PLXNB2: variants seen among roughly 807,000 people sequenced by gnomAD.
PLXNB2 encodes plexin-B2.
Under a neutral mutation model 202.6 loss-of-function variants are expected in PLXNB2, and 85 were observed. That is an observed-to-expected ratio of 0.42 (90% CI 0.35 to 0.50). The LOEUF is 0.50. Ranked by LOEUF, PLXNB2 falls within the 20% of genes least tolerant of loss-of-function variation. The pLI, the probability that PLXNB2 is intolerant of heterozygous loss-of-function variation, is 0.02. For missense variants in PLXNB2, 2,063 were observed against 2,586.2 expected (o/e 0.80, Z 4.39); for synonymous variants, 1,239 against 1,137.6 (o/e 1.09, Z -1.79).
At chr22:50,287,433 G>A (rs923680729) in intron 7 of PLXNB2, among the ~76,000 whole-genome samples, 169 bp from the exon 8 acceptor site, 2 of 152,118 alleles carry the variant, frequency 1.3e-5, no homozygotes, top group Non-Finnish European at 2.9e-5. Flanking sequence ...GCAACTCCTG[G>A]GACAGGGCCT....
In PLXNB2 at chr22:50,289,260, G is replaced by A. The variant is rs1341819085; in HGVS notation, c.1069-118C>T. On this transcript the variant is annotated intron_variant, in intron 3 of 36. Coordinates refer to ENST00000359337, the MANE Select transcript of PLXNB2 (RefSeq NM_012401.4). The surrounding 1 kb of genome is among the most constrained non-coding windows in gnomAD (Gnocchi z 8.0). ...TCCCTCCGGCACACGTCCTACACAC[G>A]TCCCCGAGAACAGAACCCACATGGC... The A allele has an allele frequency of 1.5e-5, 15 of 1,023,830 alleles. No individual in the cohort carries two copies. Among genetic ancestry groups the A allele is most frequent in the Non-Finnish European group, 2.1e-5 (15 of 723,006 alleles). The allele number at this position is 1,023,830 out of a possible 1,614,324, so 63.4% of individuals were successfully genotyped here. A position where few individuals can be genotyped will look rare whatever the true frequency, so the allele number is the denominator to read the frequency against.
chr22:50,278,473 T>C lies in PLXNB2; in HGVS notation c.4694A>G (p.Gln1565Arg). 6.4e-7 allele frequency: 1 copy of C among 1,560,752 alleles called. No individual in the cohort carries two copies. The highest frequency in any genetic ancestry group is 8.7e-7 in the Non-Finnish European group (1 of 1,152,748). ...TLILSKVGVS[Q>R]QPEDSQQDLP... is the part of the protein sequence containing the mutation. The stretch of plus-strand genomic sequence containing the variant: ...GTCCTGCTGGCTGTCCTCCGGCTGC[T>C]GGGAGACCCCCACCTTGGACAGGAT... The change falls in exon 30 of 37, where the codon CAG (glutamine) becomes CGG (arginine). Residue 1565 changes from glutamine to arginine, a missense_variant. By Grantham distance (43) the Gln-to-Arg change is conservative. Around this residue, in one of 2 missense-constraint regions of PLXNB2, gnomAD observed 760 missense variants for 1,109.4 expected, o/e 0.69. Transcript: ENST00000359337.
chr22:50,276,584 T>G (rs2065613334), intron 35 of PLXNB2, 45 bp downstream of exon 35: 1 of 1,468,430 alleles, frequency 6.8e-7, no homozygotes, highest in East Asian at 2.3e-5. Context: ...CATGGGGTAG[T>G]GGGAGCGGGG....
Position 50,290,214 on chromosome 22 carries a change from G to A in PLXNB2, c.371C>T (p.Ala124Val). Residue 124 changes from alanine (A) to valine (V), a missense_variant, in exon 3 of 37, where the codon GCC becomes GTC. Physicochemically the swap from Ala to Val is moderately conservative, Grantham distance 64 (BLOSUM62 0). Coordinates refer to ENST00000359337, the MANE Select transcript of PLXNB2 (RefSeq NM_012401.4). ...SLFKGICALR[A>V]LSNISLRLFY... ...CAGGCGGAGGGAGATGTTGCTCAGG[G>A]CGCGCAGAGCGCAGATGCCCTTGAA... The A allele has an allele frequency of 6.2e-7, 1 of 1,612,204 alleles. No homozygotes were observed. The highest frequency in any genetic ancestry group is 1.1e-5 in the South Asian group (1 of 91,090).
chr22:50,285,786 C>T lies in PLXNB2; in HGVS notation c.2088+14G>A, dbSNP rs759948658. 3.8e-6 allele frequency: 6 copies of T among 1,598,956 alleles called. 1 individual carries two copies. In the South Asian group the frequency reaches 6.6e-5, roughly 18 times the overall value. On this transcript the variant is annotated intron_variant, in intron 11 of 36. Coordinates refer to ENST00000359337, the MANE Select transcript of PLXNB2 (RefSeq NM_012401.4). ...GAGCCTGCCTGTCACCAGCCGGCAC[C>T]CCTCCCTCCGCACCTTCACGGTGTC... is the stretch of plus-strand genomic sequence containing the variant.
chr22:50,276,194 G>A (rs576012288), intron 35 of PLXNB2, among the ~76,000 whole-genome samples: 5 of 152,238 alleles, frequency 3.3e-5, no homozygotes, highest in Admixed American at 2.0e-4. Context: ...CACGGCTGTG[G>A]ATGGACCCAC....
rs1304405921 is a variant in PLXNB2 at position 50,282,076 on chromosome 22, C to T, written c.3123G>A (p.Val1041=). The change falls in exon 20 of 37, where the codon GTG becomes GTA. Residue 1041 remains valine, a synonymous_variant. Coordinates refer to ENST00000359337, the MANE Select transcript of PLXNB2 (RefSeq NM_012401.4). ...CATTGTGGAACACGTAGTCTGTACC[C>T]ACCACCTGCAGGCAAGTCCCAGCTG... ...EAESLQPMTV[V]GTDYVFHNDT... 4.3e-6 allele frequency: 7 copies of T among 1,610,458 alleles called. No individual in the cohort carries two copies. Among genetic ancestry groups the T allele is most frequent in the Middle Eastern group, 1.7e-4 (1 of 6,058 alleles).
chr22:50,279,801 G>A (rs2065861252), intron 26 of PLXNB2, 25 bp from the exon 27 acceptor site: 2 of 1,612,876 alleles, frequency 1.2e-6, no homozygotes, highest in South Asian at 1.1e-5. Context: ...AGGGGAGGCT[G>A]GGAGGTCAGG....
rs199926321 is a variant in PLXNB2, at chr22:50,283,620, C to G, written c.2552G>C (p.Arg851Pro). ...CACTCACCGGGTGGACACGGAGTAA[C>G]GTTCCGGCTGAAAGGAGCAGTTCCG... ...AGRNCSFQPE[R>P]YSVSTRIVCV... The change falls in exon 15 of 37, where the codon CGT becomes CCT. Residue 851 changes from arginine (R) to proline (P), a missense_variant. Arg to Pro is a moderately radical substitution (Grantham distance 103). Around this residue, in one of 2 missense-constraint regions of PLXNB2, gnomAD observed 1,303 missense variants for 1,476.8 expected, o/e 0.88. Coordinates refer to ENST00000359337, the MANE Select transcript of PLXNB2 (RefSeq NM_012401.4). The G allele has an allele frequency of 6.2e-7, 1 of 1,612,480 alleles. No homozygotes were observed. Among genetic ancestry groups the G allele is most frequent in the Admixed American group, 1.7e-5 (1 of 59,958 alleles).
Position 50,278,836 on chromosome 22 carries a change from G to A in PLXNB2, c.4546+19C>T, listed in dbSNP as rs764627092. The A allele has an allele frequency of 3.1e-6, 5 of 1,605,032 alleles. No homozygotes were observed. In the Admixed American group the frequency reaches 5.0e-5, roughly 16 times the overall value. Reference sequence around the variant, plus strand: ...GCACATGGGCGCCTGTGTGCAGACGGGCAGGGGCCGGCACTCACCCAGGAC... The same window carrying A: ...GCACATGGGCGCCTGTGTGCAGACGAGCAGGGGCCGGCACTCACCCAGGAC... On this transcript the variant is annotated intron_variant, in intron 28 of 36. Transcript: ENST00000359337.
chr22:50,287,166 G>A lies in PLXNB2; in HGVS notation c.1707C>T (p.Gly569=), dbSNP rs950541792. 4.8e-5 allele frequency: 75 copies of A among 1,546,536 alleles called. No homozygotes were observed. Among genetic ancestry groups the A allele is most frequent in the Admixed American group, 2.8e-4 (14 of 50,572 alleles). ...TTGGGGAGTTGCAGATGACGGCCTC[G>A]CCCTCCACGCGGGCGGGGTGTGGCG... ...ESPPHPARVE[G]EAVICNSPSS... Residue 569 remains glycine (G), a synonymous_variant, in exon 8 of 37, where the codon GGC becomes GGT. Coordinates refer to ENST00000359337, the MANE Select transcript of PLXNB2 (RefSeq NM_012401.4).
In PLXNB2 at chr22:50,297,980, T is replaced by C. The variant is rs28473629; in HGVS notation, c.-73-3202A>G. On this transcript the variant is annotated intron_variant, in intron 1 of 36. Transcript: ENST00000359337. This position sits in a 1 kb window ranked among gnomAD's most constrained non-coding sequence, Gnocchi z 5.3. ...TCCCTGGAAAGCCCCTGCCCATCCT[T>C]TAGACCCCGAGACACCCTCCCTAAC... is the stretch of plus-strand genomic sequence containing the variant. Among the ~76,000 whole-genome samples the C allele has an allele frequency of 0.077, 11,744 of 152,152 alleles. 1,132 individuals carry two copies. The highest frequency in any genetic ancestry group is 0.23 in the African/African-American group (9,431 of 41,472).
Position 50,277,949 on chromosome 22 carries a change from G to C in PLXNB2, c.4952C>G (p.Pro1651Arg), listed in dbSNP as rs1454891870. 6.2e-7 allele frequency: 1 copy of C among 1,612,878 alleles called. No homozygotes were observed. Among genetic ancestry groups the C allele is most frequent in the Non-Finnish European group, 8.5e-7 (1 of 1,179,768 alleles). Reference protein sequence around the residue: ...QSVLAPGHAVPPAVKYFFDFL... With the variant: ...QSVLAPGHAVRPAVKYFFDFL... ...GTCGAAGAAGTACTTGACTGCAGGT[G>C]GCACCGCGTGCCCAGGCGCCAGCAC... Residue 1651 changes from proline (P) to arginine (R), a missense_variant, in exon 32 of 37, where the codon CCA (proline) becomes CGA (arginine). Physicochemically the swap from Pro to Arg is moderately radical, Grantham distance 103 (BLOSUM62 -2). Transcript: ENST00000359337.
In PLXNB2 at chr22:50,284,823, G is replaced by A. The variant is rs577897637; in HGVS notation, c.2089-158C>T. On this transcript the variant is annotated intron_variant, in intron 11 of 36. Coordinates refer to ENST00000359337, the MANE Select transcript of PLXNB2 (RefSeq NM_012401.4). The surrounding 1 kb of genome is among the most constrained non-coding windows in gnomAD (Gnocchi z 8.0). ...AGATTACCATGCCAGCTGACCCCTC[G>A]GCCACTCCTGAGCCCAAACACCTGT... is the stretch of plus-strand genomic sequence containing the variant. 3.6e-5 allele frequency: 27 copies of A among 760,034 alleles called. No homozygotes were observed. Among genetic ancestry groups the A allele is most frequent in the East Asian group, 3.2e-4 (13 of 40,022 alleles). The allele number at this position is 760,034 out of a possible 1,614,324, so 47.1% of individuals were successfully genotyped here. A position where few individuals can be genotyped will look rare whatever the true frequency, so the allele number is the denominator to read the frequency against.
chr22:50,284,039 G>A lies in PLXNB2; in HGVS notation c.2264-49C>T, dbSNP rs114307199. Reference sequence around the variant, plus strand: ...GGTCACCCCGTGCCTGCCCGCCCCCGACCTGCTCCCCACTGCGCCCACCTG... The same window carrying A: ...GGTCACCCCGTGCCTGCCCGCCCCCAACCTGCTCCCCACTGCGCCCACCTG... On this transcript the variant is annotated intron_variant, in intron 13 of 36. Transcript: ENST00000359337. This position sits in a 1 kb window ranked among gnomAD's most constrained non-coding sequence, Gnocchi z 8.0. 5,399 of 1,424,318 alleles carry A rather than the reference G, an allele frequency of 3.8e-3. 158 individuals carry two copies. The African/African-American group carries it at 0.067, about 18-fold the overall frequency. The allele number at this position is 1,424,318 out of a possible 1,614,324, so 88.2% of individuals were successfully genotyped here.
chr22:50,284,348 G>C lies in PLXNB2; in HGVS notation c.2182-135C>G. Reference sequence around the variant, plus strand: ...GCAGCAGGGGAGGCCTTCAGGTGTCGGAAGTTCGGGAACCCCATGGACGCT... The same window carrying C: ...GCAGCAGGGGAGGCCTTCAGGTGTCCGAAGTTCGGGAACCCCATGGACGCT... On this transcript the variant is annotated intron_variant, in intron 12 of 36. Coordinates refer to ENST00000359337, the MANE Select transcript of PLXNB2 (RefSeq NM_012401.4). This position sits in a 1 kb window ranked among gnomAD's most constrained non-coding sequence, Gnocchi z 8.0. 1.2e-6 allele frequency: 1 copy of C among 850,952 alleles called. No individual in the cohort carries two copies. 52.7% of individuals were successfully genotyped at this position (850,952 alleles called of 1,614,324 possible).
chr22:50,299,329 G>T (rs1601770949), intron 1 of PLXNB2, among the ~76,000 whole-genome samples: 2 of 145,638 alleles, frequency 1.4e-5, no homozygotes, highest in South Asian at 2.5e-4. Context: ...GGGGGCGGGG[G>T]AAGCAGCCTC....
intron 1 of PLXNB2, among the ~76,000 whole-genome samples, chr22:50,298,360 G>A (rs922516309): frequency 3.3e-5 from 5 of 152,162 alleles, no homozygotes; most frequent in African/African-American, 1.2e-4. Flanking sequence ...CTCTCCTGAG[G>A]TCCCTTTTGT....
chr22:50,276,875 T>C lies in PLXNB2; in HGVS notation c.5228A>G (p.Lys1743Arg). The C allele has an allele frequency of 6.2e-7, 1 of 1,604,768 alleles. No individual in the cohort carries two copies. The highest frequency in any genetic ancestry group is 1.3e-5 in the African/African-American group (1 of 74,526). Residue 1743 changes from lysine (K) to arginine (R), a missense_variant, in exon 34 of 37, where the codon AAG becomes AGG. Transcript: ENST00000359337. Reference protein sequence around the residue: ...DSPSNKLLYAKEISTYKKMVE... With the variant: ...DSPSNKLLYAREISTYKKMVE... ...CATCTTCTTGTAGGTGGAGATCTCC[T>C]TGGCGTACAGCAGCTTGTTGCTGGG...
Sources: allele counts gnomAD v4.1 joint callset (sites outside exome capture counted in the v4.1 genomes callset), GRCh38; gene constraint gnomAD v4.1.1; regional missense constraint gnomAD v4.1.1; non-coding constraint Gnocchi (gnomAD v3.1); transcripts MANE v1.5; gene names NCBI Gene and HGNC (gene_info 2026-07-23, HGNC 2026-07-21).